Variants in CCSER1 observed in about 807,000 individuals in gnomAD.
The protein encoded by CCSER1 is serine-rich coiled-coil domain-containing protein 1.
Under a neutral mutation model 82.0 loss-of-function variants are expected in CCSER1, and 41 were observed. That is an observed-to-expected ratio of 0.50 (90% confidence interval 0.39 to 0.65). The LOEUF (loss-of-function observed/expected upper bound fraction) is 0.65, where lower values mean the gene tolerates loss of function less well. CCSER1 is among the 30% of genes least tolerant of loss of function. The pLI, the probability that CCSER1 is intolerant of heterozygous loss-of-function variation, is 0.00. For synonymous variants in CCSER1, 414 were observed against 383.9 expected (o/e 1.08, Z -0.92); for missense variants, 1,119 against 1,064.2 (o/e 1.05, Z -0.72).
chr4:90,670,884 A>C, intron 6 of CCSER1, among the ~76,000 whole-genome samples: 1 of 152,024 alleles, frequency 6.6e-6, no homozygotes, highest in East Asian at 1.9e-4. Flanking sequence ...ATACAGTCAT[A>C]CCTTAGAGAT....
intron 3 of CCSER1, among the ~76,000 whole-genome samples, chr4:90,314,125 C>T (rs561510393): frequency 8.5e-5 from 13 of 152,078 alleles, no homozygotes; most frequent in Non-Finnish European, 1.2e-4. Context: ...TCTGGTGTGA[C>T]CATTTCTTAA....
chr4:90,937,366 CT>C (rs1293617635), intron 9 of CCSER1, among the ~76,000 whole-genome samples: 1 of 152,022 alleles, frequency 6.6e-6, no homozygotes, highest in Non-Finnish European at 1.5e-5. Flanking sequence ...CCTCATATTG[CT>C]TTTGGTCTTG....
chr4:90,296,001 T>A (rs971503844), intron 1 of CCSER1, among the ~76,000 whole-genome samples: 1 of 151,902 alleles, frequency 6.6e-6, no homozygotes, highest in Admixed American at 6.6e-5. Context: ...GAAGATATAA[T>A]TATAAAAAAA....
chr4:90,810,832 C>CTTTTTTTTTTTTTTTTTTTTTT (rs375997127), intron 7 of CCSER1, among the ~76,000 whole-genome samples: 1 of 113,606 alleles, frequency 8.8e-6, no homozygotes, highest in African/African-American at 3.5e-5. Context: ...AAGAGTAATT[C>CTTTTTTTTTTTTTTTTTTTTTT]TTTTTTTTTT....
intron 10 of CCSER1, among the ~76,000 whole-genome samples, chr4:91,127,534 ACT>A (rs1227288361): frequency 1.3e-5 from 2 of 151,858 alleles, no homozygotes; most frequent in Admixed American, 6.6e-5. Context: ...TTTTTTAAAA[ACT>A]CTATGAATTG....
intron 6 of CCSER1, among the ~76,000 whole-genome samples, chr4:90,655,299 A>G (rs1729508076): frequency 6.6e-6 from 1 of 152,000 alleles, no homozygotes; most frequent in South Asian, 2.1e-4. Context: ...TCCTGGTTTG[A>G]TGAAGTAAAA....
intron 3 of CCSER1, among the ~76,000 whole-genome samples, chr4:90,356,196 A>G (rs1001994837): frequency 1.3e-5 from 2 of 151,872 alleles, no homozygotes; most frequent in Non-Finnish European, 1.5e-5. Context: ...TTCTGTGTTT[A>G]GACATTGTAA....
chr4:90,634,038 C>G lies in CCSER1; in HGVS notation c.1932+5806C>G, dbSNP rs540108233. ...GGGAAGAGAACTCTATCATTTTTTT[C>G]TTCTTTTTCTTAAATTTTTAAAAAA... On this transcript the variant is annotated intron_variant, in intron 6 of 10. Transcript: ENST00000509176. 3.3e-5 allele frequency among the ~76,000 whole-genome samples: 5 copies of G among 151,486 alleles called. No individual in the cohort carries two copies. The South Asian group carries it at 8.3e-4, about 25-fold the overall frequency.
At chr4:90,279,117 A>G (rs1451324776) in intron 1 of CCSER1, among the ~76,000 whole-genome samples, 2 of 151,844 alleles carry the variant, frequency 1.3e-5, no homozygotes, top group South Asian at 4.2e-4. Flanking sequence ...TCAGTACTTC[A>G]CTCTACGTAG....
intron 6 of CCSER1, among the ~76,000 whole-genome samples, chr4:90,644,663 C>G (rs761107321): frequency 4.6e-5 from 7 of 151,980 alleles, no homozygotes; most frequent in African/African-American, 1.2e-4. Flanking sequence ...GTTCCCCTCC[C>G]TCTGTCCATG....
chr4:91,326,866 C>T (rs532994797), intron 10 of CCSER1, among the ~76,000 whole-genome samples: 9 of 152,254 alleles, frequency 5.9e-5, no homozygotes, highest in African/African-American at 2.2e-4. Flanking sequence ...AGCAGTGCCT[C>T]CATTAAATCT....
intron 10 of CCSER1, among the ~76,000 whole-genome samples, chr4:91,474,787 G>GTATATATA (rs764572024): frequency 3.8e-4 from 51 of 135,138 alleles, no homozygotes; most frequent in African/African-American, 9.0e-4. Context: ...ATATATTTGT[G>GTATATATA]TATATATATA....
At chr4:90,652,804 C>A (rs867431468) in intron 6 of CCSER1, among the ~76,000 whole-genome samples, 1 of 148,590 alleles carries the variant, frequency 6.7e-6, no homozygotes, top group East Asian at 2.0e-4. Context: ...CAACAGAATT[C>A]CTCTTCCCCT....
intron 10 of CCSER1, among the ~76,000 whole-genome samples, chr4:91,486,893 G>A (rs970238004): frequency 6.6e-6 from 1 of 151,880 alleles, no homozygotes; most frequent in East Asian, 1.9e-4. Context: ...TTTTCCTATA[G>A]GGATTGATTA....
At chr4:91,459,838 T>C (rs1756399581) in intron 10 of CCSER1, among the ~76,000 whole-genome samples, 1 of 152,150 alleles carries the variant, frequency 6.6e-6, no homozygotes, top group South Asian at 2.1e-4. Flanking sequence ...TAAAATTCTG[T>C]TGTTCACTTG....
intron 10 of CCSER1, among the ~76,000 whole-genome samples, chr4:91,192,956 T>TC (rs1227325009): frequency 6.6e-6 from 1 of 152,152 alleles, no homozygotes; most frequent in Non-Finnish European, 1.5e-5. Context: ...CATGTCAACC[T>TC]CCCACAGCCT....
chr4:91,312,758 T>C (rs1318610936), intron 10 of CCSER1, among the ~76,000 whole-genome samples: 2 of 151,916 alleles, frequency 1.3e-5, no homozygotes, highest in Admixed American at 6.6e-5. Context: ...ATTCAGGTGA[T>C]GGATGCTGTA....
At chr4:91,216,466 C>T (rs62310742) in intron 10 of CCSER1, among the ~76,000 whole-genome samples, 9 of 152,110 alleles carry the variant, frequency 5.9e-5, no homozygotes, top group East Asian at 1.9e-4. Flanking sequence ...ACTACAGGTG[C>T]GTGCCACCAC....
intron 10 of CCSER1, among the ~76,000 whole-genome samples, chr4:91,128,219 C>CCT (rs922729062): frequency 3.3e-5 from 5 of 152,050 alleles, no homozygotes; most frequent in Non-Finnish European, 4.4e-5. Flanking sequence ...GCCTCTAACT[C>CCT]CTCTCTCTGC....
Sources: allele counts gnomAD v4.1 joint callset (sites outside exome capture counted in the v4.1 genomes callset), GRCh38; gene constraint gnomAD v4.1.1; transcripts MANE v1.5; gene names NCBI Gene and HGNC (gene_info 2026-07-23, HGNC 2026-07-21).